TTC28: variants seen among roughly 807,000 people sequenced by gnomAD.
TTC28 encodes the protein tetratricopeptide repeat protein 28.
TTC28 carries 61 observed loss-of-function variants against 198.0 expected under a neutral mutation model. The ratio of observed to expected loss-of-function variants is 0.31; its 90% CI spans 0.25 to 0.38. The LOEUF (loss-of-function observed/expected upper bound fraction) is 0.38, where lower values mean the gene tolerates loss of function less well. Among genes scored for constraint, TTC28 ranks in the 10% least tolerant of loss-of-function variants. The pLI, the probability that TTC28 is intolerant of heterozygous loss-of-function variation, is 1.00. For synonymous variants in TTC28, 1,171 were observed against 1,297.8 expected (o/e 0.90, Z 2.10); for missense variants, 2,678 against 3,164.0 (o/e 0.85, Z 3.69).
chr22:28,039,160 C>G (rs966162305), intron 12 of TTC28, among the ~76,000 whole-genome samples: 16 of 152,162 alleles, frequency 1.1e-4, no homozygotes, highest in Admixed American at 9.8e-4. Context: ...CCCAGCCATC[C>G]CATTACTGGG....
At chr22:28,347,651 C>G (rs1208134522) in intron 2 of TTC28, among the ~76,000 whole-genome samples, 1 of 152,122 alleles carries the variant, frequency 6.6e-6, no homozygotes, top group African/African-American at 2.4e-5. Context: ...GCGGGTGGAT[C>G]ACTTGATGTC....
In TTC28 at chr22:27,989,950, C is replaced by A; in HGVS notation, c.5635G>T (p.Ala1879Ser). The change falls in exon 21 of 23, where the codon GCT becomes TCT. Residue 1879 changes from alanine to serine, a missense_variant. This residue lies in a region of TTC28 where 314 missense variants were observed against 442.7 expected (regional missense o/e 0.71). Transcript: ENST00000397906. ...ACGCTGATGGAGACCTGAATGGGAG[C>A]TGATGCCAAGTCCTGCTCCTTCTCG... ...AGEKEQDLASAPIQVSISVQL... is the reference protein window; with the variant it reads ...AGEKEQDLASSPIQVSISVQL... The A allele has an allele frequency of 6.4e-7, 1 of 1,551,382 alleles. No individual in the cohort carries two copies. Among genetic ancestry groups the A allele is most frequent in the Admixed American group, 2.0e-5 (1 of 51,006 alleles).
chr22:28,601,995 A>G (rs1381833732), intron 2 of TTC28, among the ~76,000 whole-genome samples: 1 of 152,140 alleles, frequency 6.6e-6, no homozygotes, highest in African/African-American at 2.4e-5. Context: ...TCCCTTACAT[A>G]TTATCAACCT....
intron 2 of TTC28, among the ~76,000 whole-genome samples, chr22:28,337,595 T>C (rs1180931176): frequency 6.6e-6 from 1 of 152,262 alleles, no homozygotes; most frequent in Non-Finnish European, 1.5e-5. Flanking sequence ...CATTATGTAA[T>C]GGCGTTCTTT....
chr22:28,233,969 C>T (rs1288515823), intron 5 of TTC28, among the ~76,000 whole-genome samples: 5 of 151,060 alleles, frequency 3.3e-5, no homozygotes, highest in African/African-American at 1.2e-4. Context: ...TGCAGCGGCA[C>T]AATCTTGGCT....
At chr22:28,672,099 T>G (rs992434167) in intron 1 of TTC28, among the ~76,000 whole-genome samples, 2 of 152,118 alleles carry the variant, frequency 1.3e-5, no homozygotes, top group African/African-American at 4.8e-5. Flanking sequence ...TGATCTCAGC[T>G]CACTGCAACA....
rs1269706552 is a variant in TTC28 at position 28,297,764 on chromosome 22, G to A, written c.618C>T (p.Leu206=). 3 of 1,551,642 alleles carry A rather than the reference G, an allele frequency of 1.9e-6. No individual in the cohort carries two copies. The highest frequency in any genetic ancestry group is 2.6e-6 in the Non-Finnish European group (3 of 1,146,998). Residue 206 remains leucine, a synonymous_variant, in exon 4 of 23, where the codon CTC becomes CTT. Transcript: ENST00000397906. ...AGGCCCCATGATGGCCAGCTGTCAG[G>A]AGTTCCTGCCCAACCACAGACACGA... ...FVVVSVVGQE[L]LTAGHHGASV...
At chr22:28,294,946 C>T (rs1043294436) in intron 5 of TTC28, among the ~76,000 whole-genome samples, 2 of 152,198 alleles carry the variant, frequency 1.3e-5, no homozygotes, top group South Asian at 2.1e-4. Context: ...ACTTCTTAAA[C>T]CTGGCTCTCA....
intron 12 of TTC28, among the ~76,000 whole-genome samples, chr22:28,043,030 G>A (rs1939716842): frequency 6.6e-6 from 1 of 151,976 alleles, no homozygotes; most frequent in Non-Finnish European, 1.5e-5. Context: ...TGGATCACGA[G>A]GTCAGGAGTT....
chr22:28,393,244 G>C (rs143138201), intron 2 of TTC28, among the ~76,000 whole-genome samples: 4 of 152,196 alleles, frequency 2.6e-5, no homozygotes, highest in Non-Finnish European at 5.9e-5. Context: ...CCTCTAGCCA[G>C]ATCTAGCACT....
rs147057351 is a variant in TTC28, at chr22:28,005,404, G to A, written c.4219-3851C>T. Among the ~76,000 whole-genome samples the A allele has an allele frequency of 2.0e-3, 311 of 152,330 alleles. 2 individuals carry two copies. The highest frequency in any genetic ancestry group is 0.02 in the Middle Eastern group (6 of 294). On this transcript the variant is annotated intron_variant, in intron 14 of 22. Transcript: ENST00000397906. This position sits in a 1 kb window ranked among gnomAD's most constrained non-coding sequence, Gnocchi z 4.9. ...GGTGGGCAGTGAGTGCACTGGAGGT[G>A]GCTTTGTGCAGCTGTTGTCAGTTTA...
intron 14 of TTC28, among the ~76,000 whole-genome samples, chr22:28,010,525 G>A (rs1569081528): frequency 6.6e-6 from 1 of 152,142 alleles, no homozygotes; most frequent in Non-Finnish European, 1.5e-5. Context: ...CCTCTTCCTG[G>A]CCTCCACCAA....
intron 8 of TTC28, among the ~76,000 whole-genome samples, chr22:28,102,742 C>T (rs1942189745): frequency 1.3e-5 from 2 of 152,200 alleles, no homozygotes; most frequent in African/African-American, 4.8e-5. Flanking sequence ...AGAAAAGTGA[C>T]ACTCAGGTTC....
chr22:28,480,489 A>T (rs1314880828), intron 2 of TTC28, among the ~76,000 whole-genome samples: 1 of 152,150 alleles, frequency 6.6e-6, no homozygotes, highest in East Asian at 1.9e-4. Context: ...TGCTGTTTTT[A>T]AAAAAAGCCT....
At chr22:28,456,679 G>C (rs533647841) in intron 2 of TTC28, among the ~76,000 whole-genome samples, 4 of 152,208 alleles carry the variant, frequency 2.6e-5, no homozygotes, top group Admixed American at 6.5e-5. Flanking sequence ...GGATTCAAGC[G>C]ATTCTCCTGC....
chr22:28,657,881 TA>T lies in TTC28; in HGVS notation c.102+21740del, dbSNP rs562390826. ...GCGGGCAACAGAGCAACACTCCATC[TA>T]AAAAAAAAAATTATTGATTGAAGCT... On this transcript the variant is annotated intron_variant, in intron 1 of 22. Transcript: ENST00000397906. 2.8e-3 allele frequency among the ~76,000 whole-genome samples: 409 copies of T among 147,406 alleles called. 2 individuals are homozygous for T. Among genetic ancestry groups the T allele is most frequent in the Non-Finnish European group, 2.1e-3 (137 of 66,468 alleles).
At chr22:27,995,443 C>G (rs1290182337) in intron 17 of TTC28, among the ~76,000 whole-genome samples, 3 of 152,142 alleles carry the variant, frequency 2.0e-5, no homozygotes, top group Admixed American at 2.0e-4. Context: ...AGGTTGTTCC[C>G]GAGGTAGAAG....
At chr22:28,263,091 T>C (rs896975584) in intron 5 of TTC28, among the ~76,000 whole-genome samples, 1 of 152,276 alleles carries the variant, frequency 6.6e-6, no homozygotes, top group South Asian at 2.1e-4. Flanking sequence ...AGCCCTAAAA[T>C]TGGCTTTCAT....
intron 12 of TTC28, among the ~76,000 whole-genome samples, chr22:28,060,756 T>A (rs1167259790): frequency 6.6e-6 from 1 of 152,164 alleles, no homozygotes; most frequent in Admixed American, 6.5e-5. Flanking sequence ...CTCCAGCACG[T>A]TGTTTATAGT....
Sources: allele counts gnomAD v4.1 joint callset (sites outside exome capture counted in the v4.1 genomes callset), GRCh38; gene constraint gnomAD v4.1.1; regional missense constraint gnomAD v4.1.1; non-coding constraint Gnocchi (gnomAD v3.1); transcripts MANE v1.5; gene names NCBI Gene and HGNC (gene_info 2026-07-23, HGNC 2026-07-21).